PGAP1: variants seen among roughly 807,000 people sequenced by gnomAD.
The protein encoded by PGAP1 is GPI inositol-deacylase.
In PGAP1, 76 loss-of-function variants were observed where a neutral mutation model predicts 127.0. The observed-to-expected ratio is 0.60, with a 90% CI of 0.50 to 0.72. PGAP1 has a LOEUF of 0.72. Ranked by LOEUF, PGAP1 falls within the 30% of genes least tolerant of loss-of-function variation. The pLI, the probability that PGAP1 is intolerant of heterozygous loss-of-function variation, is 0.00. For missense variants in PGAP1, 982 were observed against 1,071.3 expected, an observed-to-expected ratio of 0.92 and a Z score of 1.16; for synonymous variants, 362 against 366.5, an observed-to-expected ratio of 0.99 and a Z score of 0.14.
At chr2:196,846,880 T>G (rs1387813009) in intron 22 of PGAP1, 123 bp downstream of exon 22, 1 of 770,254 alleles carries the variant, frequency 1.3e-6, no homozygotes, top group Non-Finnish European at 2.0e-6. Context: ...AACCCATACT[T>G]TCGCTAGTTA....
At chr2:196,880,047 T>C in intron 13 of PGAP1, 29 bp downstream of exon 13, 1 of 1,505,648 alleles carries the variant, frequency 6.6e-7, no homozygotes, top group South Asian at 1.1e-5. Context: ...TCCAAAACAT[T>C]CTAATAACAA....
chr2:196,897,509 T>C (rs1056650007), intron 6 of PGAP1, among the ~76,000 whole-genome samples: 1 of 152,208 alleles, frequency 6.6e-6, no homozygotes, highest in Non-Finnish European at 1.5e-5. Context: ...TATGTCATTC[T>C]AGCAGATACT....
intron 21 of PGAP1, 136 bp from the exon 22 acceptor site, chr2:196,847,336 AT>A: frequency 1.6e-6 from 1 of 631,390 alleles, no homozygotes; most frequent in Non-Finnish European, 2.7e-6. Flanking sequence ...TGAAAAACAA[AT>A]TTTTAATTCT....
chr2:196,925,921 A>C (rs1703345271), intron 1 of PGAP1, among the ~76,000 whole-genome samples: 1 of 152,114 alleles, frequency 6.6e-6, no homozygotes, highest in African/African-American at 2.4e-5. Flanking sequence ...GAGTCTCTAA[A>C]AACAGCCTTG....
At chr2:196,890,055 C>A (rs879685507) in intron 10 of PGAP1, among the ~76,000 whole-genome samples, 1 of 151,876 alleles carries the variant, frequency 6.6e-6, no homozygotes, top group Admixed American at 6.6e-5. Flanking sequence ...TTCCCCAGCC[C>A]CCCAAGTAGC....
At chr2:196,924,288 AC>A (rs1703302987) in intron 1 of PGAP1, among the ~76,000 whole-genome samples, 1 of 152,258 alleles carries the variant, frequency 6.6e-6, no homozygotes, top group Non-Finnish European at 1.5e-5. Context: ...AAACCCAATG[AC>A]TAGGACATCT....
intron 20 of PGAP1, among the ~76,000 whole-genome samples, chr2:196,863,848 G>C (rs1042196662): frequency 1.3e-5 from 2 of 151,928 alleles, no homozygotes; most frequent in African/African-American, 4.8e-5. Context: ...CAAAGTGCTG[G>C]GATTACAGGC....
chr2:196,906,996 T>G (rs1702743202), intron 4 of PGAP1, among the ~76,000 whole-genome samples: 1 of 143,936 alleles, frequency 6.9e-6, no homozygotes. Flanking sequence ...GAAAGAGATG[T>G]GGAGAATGGA....
At chr2:196,925,458 T>C (rs1307800937) in intron 1 of PGAP1, among the ~76,000 whole-genome samples, 4 of 152,172 alleles carry the variant, frequency 2.6e-5, no homozygotes, top group Non-Finnish European at 5.9e-5. Context: ...ATTATTACAA[T>C]AGGTAGTCCA....
At position 196,847,990 on chromosome 2, in the gene PGAP1, A is replaced by G. The variant is rs750181380; in HGVS notation, c.1909T>C (p.Tyr637His). 3.1e-6 allele frequency: 5 copies of G among 1,602,080 alleles called. No individual in the cohort carries two copies. The African/African-American group carries it at 6.7e-5, about 22-fold the overall frequency. ...ATAATTACAAAAGGATCAACTTTGT[A>G]TGGTTTGGCTTCTTTATCCAACATG... The part of the protein sequence containing the change: ...ATMLDKEAKP[Y>H]KVDPFVIIIK... The change falls in exon 21 of 27, where the codon TAC (tyrosine) becomes CAC (histidine). Residue 637 changes from tyrosine to histidine, a missense_variant. By Grantham distance (83) the Tyr-to-His change is moderately conservative. Coordinates refer to ENST00000354764, the MANE Select transcript of PGAP1 (RefSeq NM_024989.4).
intron 1 of PGAP1, among the ~76,000 whole-genome samples, chr2:196,925,391 A>G (rs961320264): frequency 6.6e-6 from 1 of 152,216 alleles, no homozygotes; most frequent in Non-Finnish European, 1.5e-5. Context: ...TTAAGAGTAT[A>G]CTAAAAATGT....
At position 196,875,674 on chromosome 2, in the gene PGAP1, A is replaced by G. The variant is rs1314580912; in HGVS notation, c.1426+72T>C. 3.7e-6 allele frequency: 3 copies of G among 800,526 alleles called. No individual in the cohort carries two copies. The East Asian group carries it at 7.6e-5, about 20-fold the overall frequency. The allele number at this position is 800,526 out of a possible 1,614,324, so 49.6% of individuals were successfully genotyped here. The stretch of plus-strand genomic sequence containing the variant: ...TGAAATATTCAACATTTGATATTAC[A>G]AAGCTCTGCTTTACTGCAACTCTGT... On this transcript the variant is annotated intron_variant, in intron 14 of 26. Coordinates refer to ENST00000354764, the MANE Select transcript of PGAP1 (RefSeq NM_024989.4).
intron 13 of PGAP1, among the ~76,000 whole-genome samples, chr2:196,876,303 G>A (rs1701567886): frequency 6.6e-6 from 1 of 152,060 alleles, no homozygotes; most frequent in Admixed American, 6.5e-5. Flanking sequence ...GCCTGCTGGA[G>A]AAATACTGCC....
At chr2:196,883,242 A>G (rs1035250329) in intron 12 of PGAP1, among the ~76,000 whole-genome samples, 20 of 152,290 alleles carry the variant, frequency 1.3e-4, no homozygotes, top group African/African-American at 4.8e-4. Context: ...TGCACTAAAC[A>G]TTTCTAAAGA....
At chr2:196,905,712 G>A (rs1702680276) in intron 4 of PGAP1, among the ~76,000 whole-genome samples, 2 of 150,014 alleles carry the variant, frequency 1.3e-5, no homozygotes, top group Non-Finnish European at 3.0e-5. Flanking sequence ...ACTAGGGAGT[G>A]CCAGACAGTG....
At chr2:196,923,931 A>G (rs1490171334) in intron 1 of PGAP1, among the ~76,000 whole-genome samples, 1 of 152,170 alleles carries the variant, frequency 6.6e-6, no homozygotes, top group Non-Finnish European at 1.5e-5. Flanking sequence ...GCCTAAAACC[A>G]TTTGCTACCA....
chr2:196,894,469 C>T (rs114669351), intron 7 of PGAP1, among the ~76,000 whole-genome samples: 1,549 of 152,260 alleles, frequency 0.01, 24 homozygotes, highest in African/African-American at 0.035. Context: ...TCTTAAGGGG[C>T]CACATCTGTT....
intron 22 of PGAP1, among the ~76,000 whole-genome samples, chr2:196,846,375 C>T (rs748311914): frequency 6.6e-6 from 1 of 152,124 alleles, no homozygotes; most frequent in Non-Finnish European, 1.5e-5. Flanking sequence ...ACCACTCAGA[C>T]CCTTGATGGT....
At chr2:196,925,223 C>T (rs1703323008) in intron 1 of PGAP1, among the ~76,000 whole-genome samples, 1 of 151,964 alleles carries the variant, frequency 6.6e-6, no homozygotes, top group African/African-American at 2.4e-5. Flanking sequence ...AGAATTTTTC[C>T]CATGGGAAAG....
Sources: gnomAD v4.1 joint callset for allele counts (sites outside exome capture counted in the v4.1 genomes callset) on GRCh38, gnomAD v4.1.1 for gene constraint, MANE v1.5 for transcripts, NCBI Gene and HGNC (gene_info 2026-07-23, HGNC 2026-07-21) for gene names.